RASAL2: variants seen among roughly 807,000 people sequenced by gnomAD.
The protein encoded by RASAL2 is RAS protein activator like 2, also known as ras GTPase-activating protein nGAP.
Under a neutral mutation model 128.9 loss-of-function variants are expected in RASAL2, and 58 were observed. The ratio of observed to expected loss-of-function variants is 0.45; its 90% CI spans 0.36 to 0.56. The LOEUF (loss-of-function observed/expected upper bound fraction) is 0.56, where lower values mean the gene tolerates loss of function less well. RASAL2 is among the 20% of genes least tolerant of loss of function. The pLI is 0.00. For missense variants in RASAL2, 1,360 were observed against 1,601.6 expected, an observed-to-expected ratio of 0.85 and a Z score of 2.57; for synonymous variants, 561 against 580.8, an observed-to-expected ratio of 0.97 and a Z score of 0.49.
In RASAL2 at chr1:178,458,467, T is replaced by C. The variant is rs746460437; in HGVS notation, c.3175T>C (p.Ser1059Pro). The C allele has an allele frequency of 6.2e-7, 1 of 1,614,132 alleles. No individual in the cohort carries two copies. The highest frequency in any genetic ancestry group is 1.7e-5 in the Admixed American group (1 of 60,014). The change falls in exon 14 of 18, where the codon TCC becomes CCC. Residue 1059 changes from serine to proline, a missense_variant. Coordinates refer to ENST00000367649, the MANE Select transcript of RASAL2 (RefSeq NM_170692.4). ...CGAACCTGTGCAGAATGGGAGCCGG[T>C]CCCGGCAGCAGTCCTCTTCCTCCAG... ...VAEPVQNGSR[S>P]RQQSSSSRES...
At chr1:178,393,514 C>G (rs1673038528) in intron 4 of RASAL2, among the ~76,000 whole-genome samples, 1 of 152,208 alleles carries the variant, frequency 6.6e-6, no homozygotes, top group African/African-American at 2.4e-5. Context: ...CGATGGGGAG[C>G]AGCTGTAAAC....
At chr1:178,133,052 A>C (rs1320408907) in intron 1 of RASAL2, among the ~76,000 whole-genome samples, 1 of 152,228 alleles carries the variant, frequency 6.6e-6, no homozygotes, top group African/African-American at 2.4e-5. Context: ...GGCGTGAGCC[A>C]CTGTGCCCGG....
intron 4 of RASAL2, among the ~76,000 whole-genome samples, chr1:178,398,410 C>A (rs1417776245): frequency 6.6e-6 from 1 of 151,938 alleles, no homozygotes; most frequent in Admixed American, 6.6e-5. Flanking sequence ...AATTGTTTGA[C>A]CTTTTGTATT....
intron 1 of RASAL2, among the ~76,000 whole-genome samples, chr1:178,195,215 C>T (rs1662620421): frequency 6.6e-6 from 1 of 152,116 alleles, no homozygotes; most frequent in African/African-American, 2.4e-5. Flanking sequence ...TTAATATTTT[C>T]CTGATTTTAA....
chr1:178,128,066 C>A (rs997776202), intron 1 of RASAL2, among the ~76,000 whole-genome samples: 4 of 152,036 alleles, frequency 2.6e-5, no homozygotes, highest in Non-Finnish European at 4.4e-5. Context: ...TACTGTAGTT[C>A]AATTCTTTCA....
intron 1 of RASAL2, among the ~76,000 whole-genome samples, chr1:178,217,105 A>T (rs987572003): frequency 1.3e-5 from 2 of 151,980 alleles, no homozygotes; most frequent in Non-Finnish European, 2.9e-5. Flanking sequence ...CCCACCGAGT[A>T]GCTGGGATTA....
chr1:178,252,127 G>A (rs148314544), intron 1 of RASAL2, among the ~76,000 whole-genome samples: 153 of 152,130 alleles, frequency 1.0e-3, no homozygotes, highest in African/African-American at 3.0e-3. Flanking sequence ...TAATTTCCTC[G>A]TAATCCACTT....
intron 1 of RASAL2, among the ~76,000 whole-genome samples, chr1:178,152,128 A>G (rs1218315950): frequency 6.6e-6 from 1 of 152,146 alleles, no homozygotes; most frequent in Admixed American, 6.5e-5. Flanking sequence ...CCATGTGATT[A>G]GAGGGTGGAA....
At chr1:178,181,777 G>GTT (rs59729199) in intron 1 of RASAL2, among the ~76,000 whole-genome samples, 21 of 142,278 alleles carry the variant, frequency 1.5e-4, no homozygotes, top group South Asian at 4.5e-4. Context: ...GGGATTTGCA[G>GTT]TTTTTTTTTT....
rs1162326771 is a variant in RASAL2, at chr1:178,451,629, A to G, written c.1686A>G (p.Lys562=). The part of the protein sequence containing the change: ...SDENCEVDPS[K]CSSSELIDHQ... ...AGAACTGTGAAGTGGATCCCAGCAA[A>G]TGTTCATCTAGTGAACTGATAGACC... The change falls in exon 10 of 18, where the codon AAA becomes AAG. Residue 562 remains lysine (K), a synonymous_variant. Coordinates refer to ENST00000367649, the MANE Select transcript of RASAL2 (RefSeq NM_170692.4). The G allele has an allele frequency of 2.5e-6, 4 of 1,613,886 alleles. No homozygotes were observed. The highest frequency in any genetic ancestry group is 3.4e-6 in the Non-Finnish European group (4 of 1,179,792).
At chr1:178,389,153 T>C (rs554365203) in intron 3 of RASAL2, 1 of 407,336 alleles carries the variant, frequency 2.5e-6, no homozygotes, top group Admixed American at 6.4e-5. Context: ...GATTTACTCC[T>C]TGTTTTCTAA....
chr1:178,154,815 C>CATA (rs3979285), intron 1 of RASAL2, among the ~76,000 whole-genome samples: 24,134 of 151,620 alleles, frequency 0.16, 2,406 homozygotes, highest in East Asian at 0.3. Context: ...ATAATAGATT[C>CATA]ATAATAATAA....
chr1:178,363,851 C>T (rs1671253064), intron 3 of RASAL2, among the ~76,000 whole-genome samples: 1 of 152,160 alleles, frequency 6.6e-6, no homozygotes, highest in Non-Finnish European at 1.5e-5. Flanking sequence ...AATCCCAGCA[C>T]TTTGGGAGGC....
At position 178,451,692 on chromosome 1, in the gene RASAL2, C is replaced by T; in HGVS notation, c.1749C>T (p.Phe583=). ...SNLKMCCELA[F]CKIINSYCVF... is the part of the protein sequence containing the mutation. ...TGAAAATGTGCTGTGAGCTGGCTTTCTGCAAGATCATCAACTCTTACTGGT... is the reference window on the plus strand; with the variant it reads ...TGAAAATGTGCTGTGAGCTGGCTTTTTGCAAGATCATCAACTCTTACTGGT... Residue 583 remains phenylalanine, a synonymous_variant, in exon 10 of 18, where the codon TTC becomes TTT. Transcript: ENST00000367649. 6.2e-7 allele frequency: 1 copy of T among 1,613,614 alleles called. No individual in the cohort carries two copies. The highest frequency in any genetic ancestry group is 8.5e-7 in the Non-Finnish European group (1 of 1,179,688).
intron 3 of RASAL2, among the ~76,000 whole-genome samples, chr1:178,383,088 A>G (rs1267190207): frequency 6.6e-6 from 1 of 152,202 alleles, no homozygotes; most frequent in East Asian, 1.9e-4. Context: ...AAGAAGAAAT[A>G]TTAAATATTA....
intron 1 of RASAL2, among the ~76,000 whole-genome samples, chr1:178,207,717 A>G (rs950741806): frequency 6.6e-6 from 1 of 152,194 alleles, no homozygotes; most frequent in Non-Finnish European, 1.5e-5. Context: ...ATAATAAAAA[A>G]CAGTCCTCTC....
At chr1:178,332,267 G>C (rs1270587153) in intron 3 of RASAL2, among the ~76,000 whole-genome samples, 1 of 151,928 alleles carries the variant, frequency 6.6e-6, no homozygotes, top group South Asian at 2.1e-4. Context: ...TTGGGAGGCC[G>C]AGGCGGGCAG....
chr1:178,471,444 G>A (rs892853235), intron 17 of RASAL2, among the ~76,000 whole-genome samples: 2 of 151,866 alleles, frequency 1.3e-5, no homozygotes, highest in African/African-American at 4.8e-5. Context: ...CTTTCCTTTA[G>A]TTTTGTCTAT....
At chr1:178,254,231 C>T (rs942297163) in intron 1 of RASAL2, among the ~76,000 whole-genome samples, 3 of 152,122 alleles carry the variant, frequency 2.0e-5, no homozygotes, top group Admixed American at 1.3e-4. Context: ...GTCTATTTAT[C>T]CTTCAGAGCT....
Sources: gnomAD v4.1 joint callset for allele counts (sites outside exome capture counted in the v4.1 genomes callset) on GRCh38, gnomAD v4.1.1 for gene constraint, MANE v1.5 for transcripts, NCBI Gene and HGNC (gene_info 2026-07-23, HGNC 2026-07-21) for gene names.